Variants in PLCE1 observed in about 807,000 individuals in gnomAD.
The protein encoded by PLCE1 is phospholipase C epsilon 1, also known as 1-phosphatidylinositol 4,5-bisphosphate phosphodiesterase epsilon-1.
A neutral mutation model predicts 242.8 loss-of-function variants in PLCE1; 119 were observed. That is an observed-to-expected ratio of 0.49 (90% CI 0.42 to 0.57). The LOEUF (loss-of-function observed/expected upper bound fraction) is 0.57. PLCE1 is among the 20% of genes least tolerant of loss of function. The pLI is 0.00. For missense variants in PLCE1, 2,441 were observed against 2,788.8 expected (o/e 0.88, Z 2.81); for synonymous variants, 945 against 1,017.4 (o/e 0.93, Z 1.35).
intron 4 of PLCE1, among the ~76,000 whole-genome samples, chr10:94,203,504 T>A (rs2049047061): frequency 6.6e-6 from 1 of 152,188 alleles, no homozygotes; most frequent in South Asian, 2.1e-4. Context: ...AAATGTAGAG[T>A]TCTTCAGCTT....
intron 2 of PLCE1, among the ~76,000 whole-genome samples, chr10:94,126,619 G>A (rs140984749): frequency 1.3e-5 from 2 of 152,120 alleles, no homozygotes; most frequent in Non-Finnish European, 2.9e-5. Context: ...TGATGTGTTG[G>A]ATTTTGTTTC....
chr10:94,017,596 A>G (rs545179235), intron 1 of PLCE1, among the ~76,000 whole-genome samples: 9 of 152,362 alleles, frequency 5.9e-5, no homozygotes, highest in Non-Finnish European at 1.5e-5. Context: ...CTGGAGGGCC[A>G]CTGAAGGCCT....
In PLCE1 at chr10:94,324,969, C is replaced by G. The variant is rs1397618456; in HGVS notation, c.6798C>G (p.Pro2266=). ...AGCTCACCAAGTCAACTAAACAGCC[C>G]CGAGGACTTACATCACCTTCTCAGC... is the stretch of plus-strand genomic sequence containing the variant. The part of the protein sequence containing the change: ...LKKLTKSTKQ[P]RGLTSPSQLL... Residue 2266 remains proline (P), a synonymous_variant, in exon 32 of 33, where the codon CCC becomes CCG. Coordinates refer to ENST00000371380, the MANE Select transcript of PLCE1 (RefSeq NM_016341.4). The G allele has an allele frequency of 1.1e-5, 17 of 1,614,124 alleles. No individual in the cohort carries two copies. The highest frequency in any genetic ancestry group is 1.4e-5 in the Non-Finnish European group (17 of 1,179,988).
chr10:94,020,056 A>C (rs116050804), intron 1 of PLCE1, among the ~76,000 whole-genome samples: 14 of 152,158 alleles, frequency 9.2e-5, no homozygotes, highest in Non-Finnish European at 1.5e-4. Context: ...GTATTTAAGT[A>C]TATGCTTAAC....
chr10:94,007,582 T>C (rs1564620570), intron 1 of PLCE1, among the ~76,000 whole-genome samples: 1 of 149,072 alleles, frequency 6.7e-6, no homozygotes, highest in African/African-American at 2.5e-5. Context: ...TCTCTTTTTT[T>C]TTTTTTTTTT....
In PLCE1 at chr10:94,002,166, G is replaced by A. The variant is rs571764689; in HGVS notation, c.-365+7908G>A. On this transcript the variant is annotated intron_variant, in intron 1 of 32. Transcript: ENST00000371380. ...CTAAGAGAAGAAGGCAGGAACTTTT[G>A]AGCTATGCATAGAAGCTATATAAGT... Among the ~76,000 whole-genome samples, 9 of 152,102 alleles carry A rather than the reference G, an allele frequency of 5.9e-5. No homozygotes were observed. The East Asian group carries it at 1.5e-3, about 26-fold the overall frequency.
chr10:94,168,059 C>T (rs1424309786), intron 3 of PLCE1, among the ~76,000 whole-genome samples: 1 of 152,098 alleles, frequency 6.6e-6, no homozygotes, highest in Admixed American at 6.6e-5. Flanking sequence ...TCACCAGAAA[C>T]TTTCTAAAAA....
intron 2 of PLCE1, 59 bp downstream of exon 2, chr10:94,032,311 A>G: frequency 1.3e-6 from 2 of 1,513,570 alleles, no homozygotes; most frequent in Admixed American, 1.7e-5. Flanking sequence ...TTCAAAAAAA[A>G]GTCCAAATTT....
chr10:93,995,052 A>AC (rs1282507105), intron 1 of PLCE1, among the ~76,000 whole-genome samples: 1 of 151,680 alleles, frequency 6.6e-6, no homozygotes, highest in Admixed American at 6.6e-5. Flanking sequence ...TGTTTCTTAT[A>AC]CCCCCCGTAG....
chr10:94,286,560 T>C (rs995891324), intron 22 of PLCE1, among the ~76,000 whole-genome samples: 1 of 152,218 alleles, frequency 6.6e-6, no homozygotes, highest in African/African-American at 2.4e-5. Context: ...TTTAATGATA[T>C]GATAAAAATC....
Position 94,199,358 on chromosome 10 carries a change from T to A in PLCE1, c.1809+27862T>A, listed in dbSNP as rs188612075. Among the ~76,000 whole-genome samples, 29 of 152,338 alleles carry A rather than the reference T, an allele frequency of 1.9e-4. No homozygotes were observed. In the East Asian group the frequency reaches 5.6e-3, roughly 29 times the overall value. ...TGCTCCATATCCACACCAGCCCTTGTCAAAAATCTCAGTTTCTTCATTTGT... is the reference window on the plus strand; with the variant it reads ...TGCTCCATATCCACACCAGCCCTTGACAAAAATCTCAGTTTCTTCATTTGT... On this transcript the variant is annotated intron_variant, in intron 4 of 32. Coordinates refer to ENST00000371380, the MANE Select transcript of PLCE1 (RefSeq NM_016341.4).
intron 4 of PLCE1, among the ~76,000 whole-genome samples, chr10:94,184,687 C>T (rs1026827114): frequency 1.3e-5 from 2 of 152,160 alleles, no homozygotes; most frequent in African/African-American, 4.8e-5. Context: ...GCCACACAAC[C>T]TTTCATTCTG....
intron 1 of PLCE1, among the ~76,000 whole-genome samples, chr10:94,004,847 G>A (rs1210515007): frequency 1.3e-5 from 2 of 152,194 alleles, no homozygotes; most frequent in Non-Finnish European, 2.9e-5. Flanking sequence ...TGATCATGCA[G>A]GTGGGGACCT....
intron 2 of PLCE1, among the ~76,000 whole-genome samples, chr10:94,069,213 T>C (rs1039497420): frequency 6.6e-6 from 1 of 152,216 alleles, no homozygotes; most frequent in Admixed American, 6.5e-5. Context: ...CACAAAATTT[T>C]AATGCTATAC....
chr10:94,283,101 G>A (rs1370785982), intron 20 of PLCE1: 1 of 151,928 alleles, frequency 6.6e-6, no homozygotes, highest in Non-Finnish European at 1.5e-5. Flanking sequence ...TCATCATCAC[G>A]ATACACTTCT....
At chr10:94,253,864 G>A (rs2050970054) in intron 9 of PLCE1, among the ~76,000 whole-genome samples, 1 of 152,144 alleles carries the variant, frequency 6.6e-6, no homozygotes, top group Non-Finnish European at 1.5e-5. Flanking sequence ...TAGAAAAAGT[G>A]CCACTCTCTT....
intron 1 of PLCE1, among the ~76,000 whole-genome samples, chr10:94,011,673 C>T (rs748552341): frequency 6.6e-5 from 10 of 152,142 alleles, no homozygotes; most frequent in African/African-American, 2.4e-4. Context: ...CATTTTTCTT[C>T]TTACAAATAT....
chr10:94,239,496 G>A (rs566816630), intron 7 of PLCE1, among the ~76,000 whole-genome samples: 36 of 152,346 alleles, frequency 2.4e-4, no homozygotes, highest in African/African-American at 7.5e-4. Context: ...ATGCTGAACT[G>A]TGAGTTAATT....
chr10:94,068,294 A>G (rs542078595), intron 2 of PLCE1, among the ~76,000 whole-genome samples: 2 of 151,746 alleles, frequency 1.3e-5, no homozygotes, highest in Non-Finnish European at 2.9e-5. Flanking sequence ...CTCCCATCAT[A>G]CTCCACGCTT....
Sources: allele counts gnomAD v4.1 joint callset (sites outside exome capture counted in the v4.1 genomes callset), GRCh38; gene constraint gnomAD v4.1.1; transcripts MANE v1.5; gene names NCBI Gene and HGNC (gene_info 2026-07-23, HGNC 2026-07-21).